PRKG1: variants seen among roughly 807,000 people sequenced by gnomAD.
PRKG1 encodes cGMP-dependent protein kinase 1.
In PRKG1, 35 loss-of-function variants were observed where a neutral mutation model predicts 88.1. The observed-to-expected ratio is 0.40, with a 90% CI of 0.30 to 0.53. The LOEUF (loss-of-function observed/expected upper bound fraction) is 0.53, where lower values mean the gene tolerates loss of function less well. Ranked by LOEUF, PRKG1 falls within the 20% of genes least tolerant of loss-of-function variation. The probability of loss-of-function intolerance (pLI) is 0.59; values close to 1 mark genes in which losing one functional copy is unlikely to be tolerated. For synonymous variants in PRKG1, 303 were observed against 292.5 expected (o/e 1.04, Z -0.37); for missense variants, 540 against 839.8 (o/e 0.64, Z 4.41).
chr10:51,486,845 A>G (rs959758451), intron 3 of PRKG1, among the ~76,000 whole-genome samples: 7 of 152,102 alleles, frequency 4.6e-5, no homozygotes, highest in Admixed American at 3.3e-4. Flanking sequence ...AGTGCTTGCT[A>G]TATTGTCACT....
chr10:51,804,443 T>A, intron 3 of PRKG1, 142 bp from the exon 4 acceptor site: 1 of 620,338 alleles, frequency 1.6e-6, no homozygotes. Flanking sequence ...GATAGCATTG[T>A]GATATTAGCT....
intron 4 of PRKG1, among the ~76,000 whole-genome samples, chr10:51,834,104 C>T (rs10823692): frequency 0.21 from 31,719 of 151,808 alleles, 5,317 homozygotes; most frequent in African/African-American, 0.47. Flanking sequence ...ATTGTGTATA[C>T]AGACCACAGT....
At chr10:51,859,714 C>T (rs886101371) in intron 4 of PRKG1, among the ~76,000 whole-genome samples, 7 of 152,042 alleles carry the variant, frequency 4.6e-5, no homozygotes, top group Non-Finnish European at 7.4e-5. Flanking sequence ...ACCTTCCAAA[C>T]CTTCATTTCT....
intron 2 of PRKG1, among the ~76,000 whole-genome samples, chr10:51,230,019 T>A (rs1256495798): frequency 1.3e-5 from 2 of 151,682 alleles, no homozygotes; most frequent in African/African-American, 4.8e-5. Flanking sequence ...TAATTTTAAC[T>A]AAGCAATATC....
At chr10:51,812,627 C>T (rs1270899178) in intron 4 of PRKG1, among the ~76,000 whole-genome samples, 1 of 152,130 alleles carries the variant, frequency 6.6e-6, no homozygotes, top group African/African-American at 2.4e-5. Flanking sequence ...TGCTTTGGAG[C>T]TTTTTCTTAG....
At chr10:51,616,703 C>T (rs1183552223) in intron 3 of PRKG1, among the ~76,000 whole-genome samples, 1 of 152,034 alleles carries the variant, frequency 6.6e-6, no homozygotes, top group Non-Finnish European at 1.5e-5. Context: ...CTATGCTAGG[C>T]AGGGGTGAGG....
At chr10:51,417,724 C>A (rs1455911224) in intron 2 of PRKG1, among the ~76,000 whole-genome samples, 1 of 152,102 alleles carries the variant, frequency 6.6e-6, no homozygotes, top group East Asian at 1.9e-4. Context: ...ATGTGATTGT[C>A]TCAAACTGAC....
intron 3 of PRKG1, among the ~76,000 whole-genome samples, chr10:51,708,889 C>A (rs1032696335): frequency 2.6e-5 from 4 of 152,142 alleles, no homozygotes; most frequent in Non-Finnish European, 5.9e-5. Context: ...ATCTATCATC[C>A]TGTACCACTG....
intron 3 of PRKG1, among the ~76,000 whole-genome samples, chr10:51,549,636 C>T (rs1842533315): frequency 1.3e-5 from 2 of 152,138 alleles, no homozygotes; most frequent in African/African-American, 4.8e-5. Context: ...TGCATTTCTC[C>T]TTCTAACATT....
At chr10:51,052,364 A>G (rs1253018645) in intron 1 of PRKG1, among the ~76,000 whole-genome samples, 1 of 152,160 alleles carries the variant, frequency 6.6e-6, no homozygotes, top group Non-Finnish European at 1.5e-5. Flanking sequence ...GGTGGACTGG[A>G]TTATGTTGTG....
At chr10:52,121,659 T>C (rs544116192) in intron 7 of PRKG1, among the ~76,000 whole-genome samples, 6 of 152,354 alleles carry the variant, frequency 3.9e-5, no homozygotes, top group South Asian at 2.1e-4. Flanking sequence ...TGCCACTTTA[T>C]AATAAAGCTG....
At chr10:52,126,601 C>T (rs1847937020) in intron 7 of PRKG1, among the ~76,000 whole-genome samples, 2 of 152,114 alleles carry the variant, frequency 1.3e-5, no homozygotes, top group Admixed American at 1.3e-4. Context: ...CTGCCTCAGC[C>T]TTTCATGTAG....
In PRKG1 at chr10:51,914,030, C is replaced by T. The variant is rs142183282; in HGVS notation, c.762+6460C>T. On this transcript the variant is annotated intron_variant, in intron 5 of 17. Coordinates refer to ENST00000373980, the MANE Select transcript of PRKG1 (RefSeq NM_006258.4). ...AAATTGTGAAATTATAAAACAGGAT[C>T]CAATCTCCTCTTTCTTACTGTAACA... is the stretch of plus-strand genomic sequence containing the variant. Among the ~76,000 whole-genome samples the T allele has an allele frequency of 3.0e-4, 46 of 152,208 alleles. No individual in the cohort carries two copies. The East Asian group carries it at 7.7e-3, about 26-fold the overall frequency.
intron 2 of PRKG1, among the ~76,000 whole-genome samples, chr10:51,424,408 A>C (rs1282829683): frequency 6.6e-6 from 1 of 152,100 alleles, no homozygotes; most frequent in Non-Finnish European, 1.5e-5. Context: ...AAATTCTTTC[A>C]AGAACTTTTT....
chr10:51,999,907 G>GT (rs1405809840), intron 5 of PRKG1, among the ~76,000 whole-genome samples: 1 of 152,050 alleles, frequency 6.6e-6, no homozygotes, highest in Non-Finnish European at 1.5e-5. Context: ...GAATAATGAA[G>GT]TTAGGCAGAA....
intron 2 of PRKG1, among the ~76,000 whole-genome samples, chr10:51,246,365 A>G (rs1469579660): frequency 1.3e-5 from 2 of 152,070 alleles, no homozygotes; most frequent in African/African-American, 4.8e-5. Context: ...GACAGCATAG[A>G]TAGAGAGATA....
At chr10:51,881,272 C>A (rs1431224926) in intron 4 of PRKG1, among the ~76,000 whole-genome samples, 1 of 152,108 alleles carries the variant, frequency 6.6e-6, no homozygotes, top group African/African-American at 2.4e-5. Flanking sequence ...ACAAGCTAAC[C>A]CAAACCTTAG....
chr10:52,025,519 G>A (rs1340422581), intron 5 of PRKG1, among the ~76,000 whole-genome samples: 3 of 152,008 alleles, frequency 2.0e-5, no homozygotes, highest in African/African-American at 2.4e-5. Flanking sequence ...TATAAGGAAG[G>A]GATCCAGTTT....
chr10:51,834,754 AG>A (rs1840090182), intron 4 of PRKG1, among the ~76,000 whole-genome samples: 1 of 151,864 alleles, frequency 6.6e-6, no homozygotes, highest in Non-Finnish European at 1.5e-5. Context: ...AAGAAAAGAA[AG>A]GAAAAGAAAA....
Sources: gnomAD v4.1 joint callset for allele counts (sites outside exome capture counted in the v4.1 genomes callset) on GRCh38, gnomAD v4.1.1 for gene constraint, MANE v1.5 for transcripts, NCBI Gene and HGNC (gene_info 2026-07-23, HGNC 2026-07-21) for gene names.